The following FYB1 variants were observed in gnomAD, a reference collection of about 807,000 sequenced individuals.
FYB1 encodes the protein FYN-binding protein 1.
A neutral mutation model predicts 94.1 loss-of-function variants in FYB1; 41 were observed. The ratio of observed to expected loss-of-function variants is 0.44; its 90% CI spans 0.34 to 0.57. The LOEUF (loss-of-function observed/expected upper bound fraction) is 0.57. Among genes scored for constraint, FYB1 ranks in the 20% least tolerant of loss-of-function variants. The pLI is 0.02. For missense variants in FYB1, 1,050 were observed against 976.8 expected (o/e 1.07, Z -1.00); for synonymous variants, 367 against 353.2 (o/e 1.04, Z -0.44).
chr5:39,233,290 G>A (rs1418390620), intron 1 of FYB1, among the ~76,000 whole-genome samples: 1 of 152,146 alleles, frequency 6.6e-6, no homozygotes, highest in African/African-American at 2.4e-5. Flanking sequence ...GTAATTAGTT[G>A]ACTGGATGAA....
intron 1 of FYB1, among the ~76,000 whole-genome samples, chr5:39,247,113 T>TATAC (rs1751515871): frequency 1.5e-5 from 2 of 130,454 alleles, no homozygotes; most frequent in Admixed American, 1.5e-4. Flanking sequence ...TATATATATA[T>TATAC]ATGACTATAT....
At chr5:39,204,903 C>G (rs745816940) in intron 1 of FYB1, among the ~76,000 whole-genome samples, 1 of 152,088 alleles carries the variant, frequency 6.6e-6, no homozygotes, top group African/African-American at 2.4e-5. Flanking sequence ...TGTTTTCTAC[C>G]TTTCCTCCCT....
chr5:39,169,081 A>G lies in FYB1; in HGVS notation c.1136-15477T>C, dbSNP rs947249882. Reference sequence around the variant, plus strand: ...TAGCAGAATACTTGCATAATAACTTAAAAAGTTAAAAGCTTGTAGTGATAA... The same window carrying G: ...TAGCAGAATACTTGCATAATAACTTGAAAAGTTAAAAGCTTGTAGTGATAA... On this transcript the variant is annotated intron_variant, in intron 2 of 18. Coordinates refer to ENST00000512982, the MANE Select transcript of FYB1 (RefSeq NM_001465.6). The G allele has an allele frequency of 1.6e-5, 9 of 577,262 alleles. No individual in the cohort carries two copies. The African/African-American group carries it at 1.7e-4, about 11-fold the overall frequency. 35.8% of individuals were successfully genotyped at this position (577,262 alleles called of 1,614,324 possible). A position where few individuals can be genotyped will look rare whatever the true frequency, so the allele number is the denominator to read the frequency against.
At chr5:39,122,164 C>T (rs575734269) in intron 14 of FYB1, among the ~76,000 whole-genome samples, 172 bp downstream of exon 14, 1 of 152,142 alleles carries the variant, frequency 6.6e-6, no homozygotes, top group Admixed American at 6.6e-5. Context: ...ACTCACAAAC[C>T]TCGCAGGGAG....
rs374867796 is a variant in FYB1 at position 39,134,202 on chromosome 5, A to C, written c.1817+6T>G. On this transcript the variant is annotated splice_donor_region_variant and intron_variant, in intron 9 of 18. Transcript: ENST00000512982. ...GATCTGTTCTACAATACGTACTTGC[A>C]CATACCTGCTAATATCATCCTGCTC... The C allele has an allele frequency of 4.6e-5, 74 of 1,605,724 alleles. No individual in the cohort carries two copies. The African/African-American group carries it at 6.6e-4, about 14-fold the overall frequency.
At chr5:39,142,123 T>G (rs1010318208) in intron 3 of FYB1, among the ~76,000 whole-genome samples, 2 of 152,226 alleles carry the variant, frequency 1.3e-5, no homozygotes, top group African/African-American at 2.4e-5. Flanking sequence ...GCCGTCAATT[T>G]TACTGACTCT....
intron 3 of FYB1, 73 bp downstream of exon 3, chr5:39,153,375 A>G: frequency 6.4e-7 from 1 of 1,562,146 alleles, no homozygotes. Flanking sequence ...AACTCTCAGC[A>G]TTTGACCAAG....
At chr5:39,272,670 C>CAAAAAAAAAA (rs1195291951) in intron 1 of FYB1, among the ~76,000 whole-genome samples, 2 of 70,874 alleles carry the variant, frequency 2.8e-5, no homozygotes, top group Middle Eastern at 7.5e-3. Context: ...AGACTCATCT[C>CAAAAAAAAAA]AAAAAAAAAA....
intron 2 of FYB1, among the ~76,000 whole-genome samples, chr5:39,164,104 C>T (rs1193292573): frequency 2.0e-5 from 3 of 152,116 alleles, no homozygotes; most frequent in Non-Finnish European, 4.4e-5. Context: ...GAGGCAATAG[C>T]ACATCCTCAG....
At chr5:39,152,583 G>A (rs1743340065) in intron 3 of FYB1, among the ~76,000 whole-genome samples, 1 of 152,160 alleles carries the variant, frequency 6.6e-6, no homozygotes, top group South Asian at 2.1e-4. Flanking sequence ...TTTGTCTTAA[G>A]GATTTATGCT....
At chr5:39,190,133 G>C (rs1462781334) in intron 2 of FYB1, among the ~76,000 whole-genome samples, 1 of 152,200 alleles carries the variant, frequency 6.6e-6, no homozygotes, top group Non-Finnish European at 1.5e-5. Context: ...GTTGATGCTT[G>C]TAATTCTCTG....
chr5:39,182,546 TA>T (rs1746358141), intron 2 of FYB1, among the ~76,000 whole-genome samples: 2 of 152,176 alleles, frequency 1.3e-5, no homozygotes, highest in African/African-American at 4.8e-5. Flanking sequence ...TTAGCTGGGT[TA>T]GTAAGTGTGA....
intron 3 of FYB1, among the ~76,000 whole-genome samples, chr5:39,149,645 C>G (rs1351643015): frequency 6.6e-6 from 1 of 152,108 alleles, no homozygotes; most frequent in South Asian, 2.1e-4. Flanking sequence ...TTCAATCAGC[C>G]TTGTATCGCC....
Position 39,202,307 on chromosome 5 carries a change from A to T in FYB1, c.654T>A (p.Asn218Lys). 6.2e-7 allele frequency: 1 copy of T among 1,613,318 alleles called. No homozygotes were observed. Among genetic ancestry groups the T allele is most frequent in the Non-Finnish European group, 8.5e-7 (1 of 1,179,738 alleles). The change falls in exon 2 of 19, where the codon AAT becomes AAA. Residue 218 changes from asparagine (N) to lysine (K), a missense_variant. Transcript: ENST00000512982. Reference protein sequence around the residue: ...NSHEDESPMKNVSSSKGSPAP... With the variant: ...NSHEDESPMKKVSSSKGSPAP... ...CTGGGGACCCTTTTGATGAAGACAC[A>T]TTCTTCATGGGGCTTTCGTCTTCAT... is the stretch of plus-strand genomic sequence containing the variant.
At chr5:39,225,788 A>G (rs1750445949) in intron 1 of FYB1, among the ~76,000 whole-genome samples, 1 of 152,232 alleles carries the variant, frequency 6.6e-6, no homozygotes, top group Non-Finnish European at 1.5e-5. Context: ...TTTGGAGGCA[A>G]CTGATAAAAA....
chr5:39,114,093 G>A (rs1167195850), intron 16 of FYB1, among the ~76,000 whole-genome samples: 2 of 151,954 alleles, frequency 1.3e-5, no homozygotes, highest in Admixed American at 6.6e-5. Context: ...TGGGAAGATC[G>A]AAAGCACCTT....
intron 9 of FYB1, among the ~76,000 whole-genome samples, chr5:39,131,684 A>G (rs1051776203): frequency 1.3e-5 from 2 of 152,160 alleles, no homozygotes; most frequent in Non-Finnish European, 2.9e-5. Flanking sequence ...CCATTTTGAC[A>G]TTTATTTTTC....
intron 2 of FYB1, among the ~76,000 whole-genome samples, chr5:39,176,137 G>GTTTTT (rs70982547): frequency 6.5e-5 from 4 of 61,662 alleles, no homozygotes; most frequent in African/African-American, 2.3e-4. Flanking sequence ...TTTTTTTTCT[G>GTTTTT]TTTTTTTTTT....
At chr5:39,215,614 A>G (rs900870353) in intron 1 of FYB1, among the ~76,000 whole-genome samples, 4 of 152,190 alleles carry the variant, frequency 2.6e-5, no homozygotes, top group African/African-American at 9.7e-5. Flanking sequence ...ACATTATTAA[A>G]AACCAGTGGA....
Sources: gnomAD v4.1 joint callset for allele counts (sites outside exome capture counted in the v4.1 genomes callset) on GRCh38, gnomAD v4.1.1 for gene constraint, MANE v1.5 for transcripts, NCBI Gene and HGNC (gene_info 2026-07-23, HGNC 2026-07-21) for gene names.